The following MAP4K4 variants were observed in gnomAD, a reference collection of about 807,000 sequenced individuals.
MAP4K4 encodes HPK/GCK-like kinase HGK.
A neutral mutation model predicts 189.6 loss-of-function variants in MAP4K4; 38 were observed. That is an observed-to-expected ratio of 0.20 (90% CI 0.15 to 0.26). The LOEUF is 0.26. MAP4K4 is among the 10% of genes least tolerant of loss of function. The pLI is 1.00. For missense variants in MAP4K4, 1,054 were observed against 1,726.9 expected (o/e 0.61, Z 6.91); for synonymous variants, 610 against 624.3 (o/e 0.98, Z 0.34).
intron 3 of MAP4K4, among the ~76,000 whole-genome samples, chr2:101,809,994 A>G (rs2149127822): frequency 6.6e-6 from 1 of 152,360 alleles, no homozygotes; most frequent in East Asian, 1.9e-4. Context: ...TTCTATGCTG[A>G]CCCAGAGTTC....
chr2:101,846,038 C>A (rs889058795), intron 12 of MAP4K4, among the ~76,000 whole-genome samples: 3 of 152,060 alleles, frequency 2.0e-5, no homozygotes, highest in African/African-American at 4.8e-5. Context: ...TATAATTTGC[C>A]GCTTGTTTAG....
chr2:101,833,876 A>G (rs2149453213), intron 7 of MAP4K4, among the ~76,000 whole-genome samples: 1 of 152,328 alleles, frequency 6.6e-6, no homozygotes, highest in South Asian at 2.1e-4. Flanking sequence ...TAGTGGCATG[A>G]TTTCAATTAG....
At chr2:101,791,999 C>G (rs973276346) in intron 3 of MAP4K4, among the ~76,000 whole-genome samples, 8 of 152,146 alleles carry the variant, frequency 5.3e-5, no homozygotes, top group African/African-American at 1.7e-4. Context: ...GTGATCCTAT[C>G]TTGGTGTACA....
In MAP4K4 at chr2:101,891,339, C is replaced by T. The variant is rs557922846; in HGVS notation, c.*90C>T. The stretch of plus-strand genomic sequence containing the variant: ...TTGTAACTGGAGCTCGGAGCTGCAC[C>T]GAGGGCAACCAGGACAGCTGTGTGT... On this transcript the variant is annotated 3_prime_UTR_variant, in exon 33 of 33. Coordinates refer to ENST00000324219, the Ensembl canonical transcript of MAP4K4. The T allele has an allele frequency of 1.6e-5, 17 of 1,096,424 alleles. No individual in the cohort carries two copies. In the Admixed American group the frequency reaches 2.1e-4, roughly 13 times the overall value. 67.9% of individuals were successfully genotyped at this position (1,096,424 alleles called of 1,614,324 possible).
At chr2:101,797,889 G>GTGTTTTTTTT (rs1553478618) in intron 3 of MAP4K4, among the ~76,000 whole-genome samples, 4,227 of 52,226 alleles carry the variant, frequency 0.081, 1,108 homozygotes, top group South Asian at 0.14. Context: ...CATTCTTTTA[G>GTGTTTTTTTT]TTTTTTTTTT....
intron 13 of MAP4K4, among the ~76,000 whole-genome samples, chr2:101,856,834 A>C (rs932442820): frequency 6.6e-6 from 1 of 152,194 alleles, no homozygotes; most frequent in Non-Finnish European, 1.5e-5. Context: ...GTGAGGACCA[A>C]TTTAAATAGC....
At chr2:101,794,080 G>A (rs1327763814) in intron 3 of MAP4K4, among the ~76,000 whole-genome samples, 6 of 152,070 alleles carry the variant, frequency 3.9e-5, no homozygotes, top group Admixed American at 3.9e-4. Context: ...CTCTTTTTAG[G>A]GAAAGCATGT....
At chr2:101,755,929 C>CTTTTTTTTTTTTTTTTTTTTTTTTTTTT (rs57392183) in intron 2 of MAP4K4, among the ~76,000 whole-genome samples, 4 of 57,742 alleles carry the variant, frequency 6.9e-5, no homozygotes, top group Admixed American at 2.4e-4. Flanking sequence ...AGTTCTTTTT[C>CTTTTTTTTTTTTTTTTTTTTTTTTTTTT]TTTTTTTTTT....
intron 12 of MAP4K4, among the ~76,000 whole-genome samples, chr2:101,853,938 C>T (rs1360762921): frequency 2.0e-5 from 3 of 152,098 alleles, no homozygotes; most frequent in African/African-American, 4.8e-5. Context: ...TTTTCTTCAG[C>T]GGAAATTGTG....
chr2:101,819,345 C>A (rs1292977625), intron 3 of MAP4K4, among the ~76,000 whole-genome samples: 1 of 152,180 alleles, frequency 6.6e-6, no homozygotes, highest in Admixed American at 6.5e-5. Flanking sequence ...ACATAAAATA[C>A]TGTATAATAA....
chr2:101,732,455 C>G (rs886694251), intron 2 of MAP4K4, among the ~76,000 whole-genome samples: 1 of 152,094 alleles, frequency 6.6e-6, no homozygotes, highest in South Asian at 2.1e-4. Context: ...TCCTTCTACC[C>G]GGTTTCATTC....
chr2:101,868,155 A>G, intron 21 of MAP4K4, 118 bp downstream of exon 21: 1 of 1,151,532 alleles, frequency 8.7e-7, no homozygotes, highest in Non-Finnish European at 1.3e-6. Context: ...GTTCTTTTCT[A>G]GAATTTAAAA....
chr2:101,772,202 C>A (rs966395866), intron 2 of MAP4K4, among the ~76,000 whole-genome samples: 1 of 152,216 alleles, frequency 6.6e-6, no homozygotes, highest in African/African-American at 2.4e-5. Flanking sequence ...TTGTACTCAA[C>A]GTCTCAGCCA....
intron 28 of MAP4K4, 104 bp from the exon 29 acceptor site, chr2:101,885,083 A>G (rs1577414172): frequency 3.9e-6 from 2 of 508,694 alleles, no homozygotes; most frequent in Non-Finnish European, 7.1e-6. Context: ...ATGAATGAAT[A>G]GAAGGCATAT....
chr2:101,859,752 CGCACCCGCA>C (rs746317145), exon 15 of MAP4K4: 3 of 1,611,174 alleles, frequency 1.9e-6, no homozygotes, highest in Non-Finnish European at 2.5e-6. Flanking sequence ...CATAGGAGGC[CGCACCCGCA>C]GCACTCGCAG....
chr2:101,825,265 T>C, intron 4 of MAP4K4, 54 bp from the exon 5 acceptor site: 1 of 1,148,968 alleles, frequency 8.7e-7, no homozygotes, highest in Non-Finnish European at 1.3e-6. Context: ...TTAAACTGGT[T>C]TTCCCAATTT....
At chr2:101,831,889 C>T (rs1284233859) in intron 7 of MAP4K4, 38 bp downstream of exon 7, 1 of 1,604,750 alleles carries the variant, frequency 6.2e-7, no homozygotes, top group Non-Finnish European at 8.5e-7. Context: ...TGCAGGGCCA[C>T]TGGCATACCC....
At chr2:101,801,814 A>T (rs998090084) in intron 3 of MAP4K4, among the ~76,000 whole-genome samples, 3 of 152,056 alleles carry the variant, frequency 2.0e-5, no homozygotes, top group African/African-American at 7.2e-5. Flanking sequence ...TAAACTCAAC[A>T]TGTCTCATGT....
Position 101,823,915 on chromosome 2 carries a change from A to G in MAP4K4, c.181-13A>G. 6.3e-7 allele frequency: 1 copy of G among 1,586,556 alleles called. No homozygotes were observed. Among genetic ancestry groups the G allele is most frequent in the Non-Finnish European group, 8.6e-7 (1 of 1,166,280 alleles). On this transcript the variant is annotated splice_polypyrimidine_tract_variant and intron_variant, in intron 3 of 32. Coordinates refer to ENST00000324219, the Ensembl canonical transcript of MAP4K4. ...TTCAGTAGCCACACATTTTATTTTT[A>G]TTTTTTCATAAGGATGAAGAGGAAG...
Sources: allele counts gnomAD v4.1 joint callset (sites outside exome capture counted in the v4.1 genomes callset), GRCh38; gene constraint gnomAD v4.1.1; transcripts MANE v1.5; gene names NCBI Gene and HGNC (gene_info 2026-07-23, HGNC 2026-07-21).